The following EPHA7 variants were observed in gnomAD, a reference collection of about 807,000 sequenced individuals.
The protein encoded by EPHA7 is EPH receptor A7.
A neutral mutation model predicts 112.6 loss-of-function variants in EPHA7; 25 were observed. That is an observed-to-expected ratio of 0.22 (90% confidence interval 0.16 to 0.31). EPHA7 has a LOEUF of 0.31. EPHA7 is among the 10% of genes least tolerant of loss of function. The pLI is 1.00. For missense variants in EPHA7, 962 were observed against 1,212.6 expected, an observed-to-expected ratio of 0.79 and a Z score of 3.07; for synonymous variants, 437 against 406.5, an observed-to-expected ratio of 1.07 and a Z score of -0.90.
intron 3 of EPHA7, among the ~76,000 whole-genome samples, chr6:93,369,376 CCTA>C (rs1183386319): frequency 6.6e-6 from 1 of 152,138 alleles, no homozygotes; most frequent in African/African-American, 2.4e-5. Flanking sequence ...TATCCATTAT[CCTA>C]CTAACTTTGC....
At chr6:93,370,039 C>T (rs1776708842) in intron 3 of EPHA7, among the ~76,000 whole-genome samples, 1 of 152,124 alleles carries the variant, frequency 6.6e-6, no homozygotes, top group Admixed American at 6.5e-5. Flanking sequence ...ACTGCACAGC[C>T]ATGTTTAGAC....
chr6:93,245,496 A>C, intron 15 of EPHA7, 43 bp from the exon 16 acceptor site: 1 of 1,586,626 alleles, frequency 6.3e-7, no homozygotes, highest in Non-Finnish European at 8.6e-7. Flanking sequence ...ATCCTGAAAT[A>C]CCAAAGAAAG....
rs1339917018 is a variant in EPHA7, at chr6:93,243,058, A to G, written c.*368T>C. On this transcript the variant is annotated 3_prime_UTR_variant, in exon 17 of 17. Coordinates refer to ENST00000369303, the MANE Select transcript of EPHA7 (RefSeq NM_004440.4). ...CATATTTAAGGAAAATATTTCATTA[A>G]TTTTAACAATAAGATCATGATTTTA... is the stretch of plus-strand genomic sequence containing the variant. 4.4e-6 allele frequency: 1 copy of G among 228,770 alleles called. No homozygotes were observed. Among genetic ancestry groups the G allele is most frequent in the African/African-American group, 2.2e-5 (1 of 45,060 alleles). 14.2% of individuals were successfully genotyped at this position (228,770 alleles called of 1,614,324 possible).
At position 93,358,835 on chromosome 6, in the gene EPHA7, T is replaced by C. The variant is rs148747240; in HGVS notation, c.833-424A>G. ...TATAGCTTTAAACTAACTTTTGACA[T>C]GTTGATTTGGTTCATGTTGAAAAAC... On this transcript the variant is annotated intron_variant, in intron 3 of 16. Transcript: ENST00000369303. Among the ~76,000 whole-genome samples the C allele has an allele frequency of 2.5e-3, 388 of 152,324 alleles. 3 individuals carry two copies. The highest frequency in any genetic ancestry group is 9.0e-3 in the African/African-American group (374 of 41,574).
At chr6:93,282,154 T>C (rs185184836) in intron 5 of EPHA7, among the ~76,000 whole-genome samples, 4 of 152,224 alleles carry the variant, frequency 2.6e-5, no homozygotes, top group Middle Eastern at 3.4e-3. Context: ...TTAAACAATA[T>C]ATAATTTGTT....
chr6:93,351,417 TG>T (rs2127937666), intron 5 of EPHA7, among the ~76,000 whole-genome samples: 1 of 152,178 alleles, frequency 6.6e-6, no homozygotes, highest in East Asian at 1.9e-4. Flanking sequence ...ATTTGCTTCC[TG>T]GGGAGCCCAA....
At position 93,375,346 on chromosome 6, in the gene EPHA7, T is replaced by C. The variant is rs533350738; in HGVS notation, c.833-16935A>G. 1.6e-4 allele frequency among the ~76,000 whole-genome samples: 24 copies of C among 152,168 alleles called. No homozygotes were observed. In the East Asian group the frequency reaches 4.6e-3, roughly 29 times the overall value. On this transcript the variant is annotated intron_variant, in intron 3 of 16. Coordinates refer to ENST00000369303, the MANE Select transcript of EPHA7 (RefSeq NM_004440.4). ...AAAAACTCAGAGAGGCCAAGCATGG[T>C]GGCTCACACCTGTAATCCCAGCACT...
rs763713981 is a variant in EPHA7, at chr6:93,243,403, C to T, written c.*23G>A. 5 of 1,565,016 alleles carry T rather than the reference C, an allele frequency of 3.2e-6. No individual in the cohort carries two copies. The South Asian group carries it at 5.6e-5, about 17-fold the overall frequency. On this transcript the variant is annotated 3_prime_UTR_variant, in exon 17 of 17. Coordinates refer to ENST00000369303, the MANE Select transcript of EPHA7 (RefSeq NM_004440.4). ...ACTGTTCTCTTGCAGTCTGTAATCT[C>T]CCTTAAAAGGGAGAAATGCATATCA...
At chr6:93,359,330 CAA>C (rs1776120513) in intron 3 of EPHA7, among the ~76,000 whole-genome samples, 2 of 151,274 alleles carry the variant, frequency 1.3e-5, no homozygotes, top group African/African-American at 4.8e-5. Context: ...GAAAATTTAG[CAA>C]GTTATTTTTA....
At chr6:93,396,745 A>G (rs1310447822) in intron 3 of EPHA7, among the ~76,000 whole-genome samples, 1 of 151,880 alleles carries the variant, frequency 6.6e-6, no homozygotes, top group Non-Finnish European at 1.5e-5. Flanking sequence ...ACAAAATATA[A>G]CAATATATTT....
intron 6 of EPHA7, among the ~76,000 whole-genome samples, chr6:93,271,147 T>C (rs1771198622): frequency 6.6e-6 from 1 of 151,810 alleles, no homozygotes; most frequent in South Asian, 2.1e-4. Flanking sequence ...AACACATTTG[T>C]TGGGACGATA....
chr6:93,357,907 G>A (rs1261677753), intron 4 of EPHA7, among the ~76,000 whole-genome samples: 5 of 151,982 alleles, frequency 3.3e-5, no homozygotes, highest in Admixed American at 6.6e-5. Flanking sequence ...TGATCCACCC[G>A]CCTTGGCCTC....
intron 5 of EPHA7, among the ~76,000 whole-genome samples, chr6:93,353,760 T>C (rs941346944): frequency 6.6e-6 from 1 of 152,044 alleles, no homozygotes; most frequent in African/African-American, 2.4e-5. Context: ...AGGAGTTTAG[T>C]GATCAACCCA....
chr6:93,365,962 T>G (rs1229423552), intron 3 of EPHA7, among the ~76,000 whole-genome samples: 1 of 152,160 alleles, frequency 6.6e-6, no homozygotes, highest in East Asian at 1.9e-4. Flanking sequence ...CTTTAAAAAG[T>G]TTCGTTTCTA....
At chr6:93,287,643 C>A (rs1039954933) in intron 5 of EPHA7, among the ~76,000 whole-genome samples, 2 of 151,698 alleles carry the variant, frequency 1.3e-5, no homozygotes, top group African/African-American at 4.8e-5. Context: ...AGATATTAAG[C>A]CTAGTACCCA....
intron 3 of EPHA7, among the ~76,000 whole-genome samples, chr6:93,378,442 T>A (rs1777168494): frequency 6.6e-6 from 1 of 152,140 alleles, no homozygotes; most frequent in African/African-American, 2.4e-5. Context: ...TGTAAGAAGA[T>A]GACGGCAGAC....
At chr6:93,415,929 C>T (rs920976334) in intron 1 of EPHA7, among the ~76,000 whole-genome samples, 8 of 152,140 alleles carry the variant, frequency 5.3e-5, no homozygotes, top group Admixed American at 5.2e-4. Flanking sequence ...AACTGATTAT[C>T]TGTTTAAAGG....
At chr6:93,261,383 T>C (rs1204214559) in intron 9 of EPHA7, among the ~76,000 whole-genome samples, 1 of 151,482 alleles carries the variant, frequency 6.6e-6, no homozygotes, top group African/African-American at 2.4e-5. Flanking sequence ...ATGTACTAAA[T>C]AGAGGAATAA....
At chr6:93,328,955 C>T (rs1582530072) in intron 5 of EPHA7, among the ~76,000 whole-genome samples, 2 of 151,514 alleles carry the variant, frequency 1.3e-5, no homozygotes, top group African/African-American at 4.8e-5. Flanking sequence ...GTCAAGGTCA[C>T]ATTTTGCAGA....
Sources: allele counts gnomAD v4.1 joint callset (sites outside exome capture counted in the v4.1 genomes callset), GRCh38; gene constraint gnomAD v4.1.1; transcripts MANE v1.5; gene names NCBI Gene and HGNC (gene_info 2026-07-23, HGNC 2026-07-21).